Variants in NR3C2 observed in about 807,000 individuals in gnomAD.
NR3C2 encodes nuclear receptor subfamily 3 group C member 2, also known as mineralocorticoid receptor.
In NR3C2, 15 loss-of-function variants were observed where a neutral mutation model predicts 86.4. That is an observed-to-expected ratio of 0.17 (90% CI 0.12 to 0.27). The LOEUF is 0.27. Ranked by LOEUF, NR3C2 falls within the 10% of genes least tolerant of loss-of-function variation. NR3C2 has a pLI of 1.00. For synonymous variants in NR3C2, 458 were observed against 450.5 expected, an observed-to-expected ratio of 1.02 and a Z score of -0.21; for missense variants, 960 against 1,195.6, an observed-to-expected ratio of 0.80 and a Z score of 2.91.
chr4:148,322,238 TGA>T (rs1473253326), intron 2 of NR3C2, among the ~76,000 whole-genome samples: 2 of 149,490 alleles, frequency 1.3e-5, no homozygotes, highest in Non-Finnish European at 3.0e-5. Flanking sequence ...GGGTTTCTGC[TGA>T]GAGATCCGCT....
At chr4:148,420,908 G>A (rs1207442124) in intron 2 of NR3C2, among the ~76,000 whole-genome samples, 1 of 152,138 alleles carries the variant, frequency 6.6e-6, no homozygotes, top group Non-Finnish European at 1.5e-5. Context: ...GTTTCCTGAG[G>A]CCTCCTCAGA....
chr4:148,406,644 G>A (rs181763364), intron 2 of NR3C2, among the ~76,000 whole-genome samples: 11 of 152,164 alleles, frequency 7.2e-5, no homozygotes, highest in African/African-American at 2.4e-4. Context: ...TTACAAGTCT[G>A]GTCTTTTTAT....
chr4:148,094,882 TTC>T (rs1731214546), intron 8 of NR3C2, among the ~76,000 whole-genome samples: 1 of 141,224 alleles, frequency 7.1e-6, no homozygotes, highest in Non-Finnish European at 1.5e-5. Context: ...AGAAATGAAA[TTC>T]TGATACATGC....
intron 3 of NR3C2, among the ~76,000 whole-genome samples, chr4:148,205,155 C>A (rs998929014): frequency 7.2e-5 from 11 of 152,084 alleles, no homozygotes; most frequent in Admixed American, 7.2e-4. Context: ...AACTCTAGAC[C>A]GAAATGAAAC....
chr4:148,365,917 C>T (rs990372065), intron 2 of NR3C2, among the ~76,000 whole-genome samples: 1 of 152,136 alleles, frequency 6.6e-6, no homozygotes, highest in Non-Finnish European at 1.5e-5. Flanking sequence ...CCCAACAAAG[C>T]TCACCAATTT....
chr4:148,297,334 A>G (rs1227961441), intron 2 of NR3C2, among the ~76,000 whole-genome samples: 1 of 152,270 alleles, frequency 6.6e-6, no homozygotes, highest in Non-Finnish European at 1.5e-5. Context: ...CAGAGAACAA[A>G]AATATTTCTG....
chr4:148,096,402 C>T (rs1419636390), intron 8 of NR3C2, among the ~76,000 whole-genome samples: 1 of 152,094 alleles, frequency 6.6e-6, no homozygotes, highest in Non-Finnish European at 1.5e-5. Flanking sequence ...TTATATGTTA[C>T]CAACTTTAAC....
chr4:148,260,111 A>C lies in NR3C2; in HGVS notation c.1764T>G (p.Thr588=), dbSNP rs918490882. The C allele has an allele frequency of 1.6e-5, 26 of 1,613,938 alleles. No homozygotes were observed. The highest frequency in any genetic ancestry group is 2.2e-5 in the Non-Finnish European group (26 of 1,179,984). The change falls in exon 3 of 9, where the codon ACT becomes ACG. Residue 588 remains threonine (T), a synonymous_variant. Transcript: ENST00000358102. ...EYIPENVSSS[T]LRSVSTGSSR... ...AAGATCCAGTAGAAACACTTCGTAA[A>C]GTAGAGCTGGGGAAAGAAATTGAGA...
chr4:148,083,650 C>G (rs1730680641), intron 8 of NR3C2, among the ~76,000 whole-genome samples: 1 of 152,156 alleles, frequency 6.6e-6, no homozygotes, highest in Non-Finnish European at 1.5e-5. Flanking sequence ...GATCACAACT[C>G]CTCGTCAGCA....
In NR3C2 at chr4:148,440,514, AC is replaced by A. The variant is rs1219080144; in HGVS notation, c.-3+1645del. Reference sequence around the variant, plus strand: ...AGATAGAGGTATACAAATCTAACTAACAAAAATCAGGCTTGCCTGCCTCACA... The same window carrying A: ...AGATAGAGGTATACAAATCTAACTAAAAAAATCAGGCTTGCCTGCCTCACA... On this transcript the variant is annotated intron_variant, in intron 1 of 8. Coordinates refer to ENST00000358102, the MANE Select transcript of NR3C2 (RefSeq NM_000901.5). Among the ~76,000 whole-genome samples, 5 of 152,294 alleles carry A rather than the reference AC, an allele frequency of 3.3e-5. No individual in the cohort carries two copies. The East Asian group carries it at 9.6e-4, about 29-fold the overall frequency.
intron 2 of NR3C2, among the ~76,000 whole-genome samples, chr4:148,322,220 G>A (rs1231213204): frequency 6.7e-6 from 1 of 149,316 alleles, no homozygotes; most frequent in Non-Finnish European, 1.5e-5. Context: ...ACTCTCTTCT[G>A]GCTTGTAGGG....
At chr4:148,092,127 T>C (rs1033673659) in intron 8 of NR3C2, among the ~76,000 whole-genome samples, 5 of 152,202 alleles carry the variant, frequency 3.3e-5, no homozygotes, top group Admixed American at 3.3e-4. Flanking sequence ...AATGTCATGC[T>C]CGTGGGCAGC....
At chr4:148,339,016 G>A (rs1431284040) in intron 2 of NR3C2, among the ~76,000 whole-genome samples, 1 of 152,062 alleles carries the variant, frequency 6.6e-6, no homozygotes, top group African/African-American at 2.4e-5. Flanking sequence ...AAAAGAAAAA[G>A]CCATGAGAAA....
chr4:148,279,385 G>A (rs1158275751), intron 2 of NR3C2, among the ~76,000 whole-genome samples: 2 of 152,130 alleles, frequency 1.3e-5, no homozygotes, highest in Admixed American at 1.3e-4. Flanking sequence ...ACTAAATGAA[G>A]GCAAGCTTTA....
chr4:148,328,450 G>A (rs576617620), intron 2 of NR3C2, among the ~76,000 whole-genome samples: 1 of 152,292 alleles, frequency 6.6e-6, no homozygotes, highest in South Asian at 2.1e-4. Context: ...CCAAAGCCCT[G>A]ACTTTCAAGT....
intron 5 of NR3C2, among the ~76,000 whole-genome samples, chr4:148,153,065 A>G (rs1369687453): frequency 6.6e-6 from 1 of 152,216 alleles, no homozygotes; most frequent in African/African-American, 2.4e-5. Flanking sequence ...AAAAATGAGC[A>G]TGTGGTGCCT....
intron 6 of NR3C2, among the ~76,000 whole-genome samples, chr4:148,140,796 C>T (rs951337255): frequency 2.6e-5 from 4 of 152,162 alleles, no homozygotes. Context: ...TCTATCTGAT[C>T]CCAATATAGT....
intron 3 of NR3C2, among the ~76,000 whole-genome samples, chr4:148,222,536 T>C (rs1737913533): frequency 6.6e-6 from 1 of 152,202 alleles, no homozygotes; most frequent in South Asian, 2.1e-4. Context: ...TTTCAAAAGA[T>C]GATAATTGAA....
At chr4:148,371,091 T>G (rs1746393805) in intron 2 of NR3C2, among the ~76,000 whole-genome samples, 1 of 152,194 alleles carries the variant, frequency 6.6e-6, no homozygotes, top group Non-Finnish European at 1.5e-5. Flanking sequence ...TTATGGGTTA[T>G]ACGAGTTACT....
Sources: allele counts gnomAD v4.1 joint callset (sites outside exome capture counted in the v4.1 genomes callset), GRCh38; gene constraint gnomAD v4.1.1; transcripts MANE v1.5; gene names NCBI Gene and HGNC (gene_info 2026-07-23, HGNC 2026-07-21).